TFEB: variants seen among roughly 807,000 people sequenced by gnomAD.
TFEB encodes transcription factor EB.
Under a neutral mutation model 48.0 loss-of-function variants are expected in TFEB, and 12 were observed. The ratio of observed to expected loss-of-function variants is 0.25; its 90% CI spans 0.16 to 0.40. The LOEUF is 0.40. Ranked by LOEUF, TFEB falls within the 10% of genes least tolerant of loss-of-function variation. The pLI, the probability that TFEB is intolerant of heterozygous loss-of-function variation, is 1.00. For synonymous variants in TFEB, 244 were observed against 261.4 expected (o/e 0.93, Z 0.64); for missense variants, 509 against 640.3 (o/e 0.79, Z 2.21).
Position 41,691,079 on chromosome 6 carries a change from G to T in TFEB, c.135C>A (p.Leu45=), listed in dbSNP as rs376168554. The change falls in exon 2 of 9, where the codon CTC becomes CTA. Residue 45 remains leucine (L), a synonymous_variant. Coordinates refer to ENST00000373033, the MANE Select transcript of TFEB (RefSeq NM_001271944.2). This position sits in a 1 kb window ranked among gnomAD's most constrained non-coding sequence, Gnocchi z 5.2. ...QQQQQQQQQQ[L]GGPPTPAINT... is the part of the protein sequence containing the mutation. ...TGATGGCCGGGGTGGGCGGCCCTCC[G>T]AGCTGCTGCTGTTGCTGCTGCTGCT... 6.1e-5 allele frequency: 96 copies of T among 1,573,848 alleles called. No homozygotes were observed. Among genetic ancestry groups the T allele is most frequent in the Non-Finnish European group, 8.2e-5 (95 of 1,158,608 alleles).
Position 41,708,108 on chromosome 6 carries a change from C to A in TFEB, c.-22-16873G>T, listed in dbSNP as rs147519986. 1.0e-3 allele frequency among the ~76,000 whole-genome samples: 154 copies of A among 152,338 alleles called. 1 individual carries two copies. Among genetic ancestry groups the A allele is most frequent in the African/African-American group, 3.3e-3 (138 of 41,582 alleles). On this transcript the variant is annotated intron_variant, in intron 1 of 8. Transcript: ENST00000373033. ...GAGCCAGTGTCTGCCACATGGCAGG[C>A]GCCTCAGCCGCACAGGTCACCTTCC... is the stretch of plus-strand genomic sequence containing the variant.
chr6:41,723,574 C>T lies in TFEB; in HGVS notation c.-23+11776G>A, dbSNP rs553829870. 2.6e-5 allele frequency: 32 copies of T among 1,249,772 alleles called. No homozygotes were observed. The highest frequency in any genetic ancestry group is 3.1e-5 in the Non-Finnish European group (30 of 970,060). 77.4% of individuals were successfully genotyped at this position (1,249,772 alleles called of 1,614,324 possible). Reference sequence around the variant, plus strand: ...GCCGGGCTCAGTTTCCTCATTTCCCCGGCGGCTGCTGTTTCTCACCCAGCC... The same window carrying T: ...GCCGGGCTCAGTTTCCTCATTTCCCTGGCGGCTGCTGTTTCTCACCCAGCC... On this transcript the variant is annotated intron_variant, in intron 1 of 8. Coordinates refer to ENST00000373033, the MANE Select transcript of TFEB (RefSeq NM_001271944.2). The surrounding 1 kb of genome is among the most constrained non-coding windows in gnomAD (Gnocchi z 6.0).
intron 1 of TFEB, among the ~76,000 whole-genome samples, chr6:41,714,558 T>C (rs1180681453): frequency 6.6e-6 from 1 of 152,178 alleles, no homozygotes; most frequent in East Asian, 1.9e-4. Flanking sequence ...TATCATTCCA[T>C]TCATTCATTT....
chr6:41,732,583 C>T, intron 1 of TFEB: 1 of 985,912 alleles, frequency 1.0e-6, no homozygotes, highest in South Asian at 4.7e-5. Context: ...ACTTTAACCA[C>T]ACACACAAAC....
At chr6:41,706,610 T>C (rs1378204731) in intron 1 of TFEB, among the ~76,000 whole-genome samples, 1 of 151,790 alleles carries the variant, frequency 6.6e-6, no homozygotes, top group Non-Finnish European at 1.5e-5. Context: ...GACCCAGAAT[T>C]CAGCTTTGCT....
intron 1 of TFEB, among the ~76,000 whole-genome samples, chr6:41,719,744 AGAG>A (rs1770898475): frequency 6.6e-6 from 1 of 152,228 alleles, no homozygotes; most frequent in Non-Finnish European, 1.5e-5. Flanking sequence ...CAATGGTCAG[AGAG>A]ATTCAGTCAC....
At chr6:41,687,673 A>C in intron 6 of TFEB, 80 bp downstream of exon 6, 11 of 1,571,440 alleles carry the variant, frequency 7.0e-6, no homozygotes, top group Non-Finnish European at 9.6e-6. Flanking sequence ...CCACCAGTGC[A>C]GGTCAGGGAG....
In TFEB at chr6:41,691,380, A is replaced by G. The variant is rs1769309037; in HGVS notation, c.-22-145T>C. On this transcript the variant is annotated intron_variant, in intron 1 of 8. Coordinates refer to ENST00000373033, the MANE Select transcript of TFEB (RefSeq NM_001271944.2). This position sits in a 1 kb window ranked among gnomAD's most constrained non-coding sequence, Gnocchi z 5.2. ...CCCTGAGAGGGGAAGAGATTTGCCC[A>G]AGGTCACTGAGCAAGCGGGTGACAG... 2.3e-6 allele frequency: 2 copies of G among 865,158 alleles called. No individual in the cohort carries two copies. The highest frequency in any genetic ancestry group is 2.6e-5 in the East Asian group (1 of 37,870). 53.6% of individuals were successfully genotyped at this position (865,158 alleles called of 1,614,324 possible). A position where few individuals can be genotyped will look rare whatever the true frequency, so the allele number is the denominator to read the frequency against.
chr6:41,723,653 C>T lies in TFEB; in HGVS notation c.-23+11697G>A, dbSNP rs1000594867. 1.9e-5 allele frequency: 15 copies of T among 778,180 alleles called. No homozygotes were observed. The highest frequency in any genetic ancestry group is 1.5e-4 in the African/African-American group (8 of 54,760). 48.2% of individuals were successfully genotyped at this position (778,180 alleles called of 1,614,324 possible). Reference sequence around the variant, plus strand: ...CACAATCCCCTGGGAGCTGCAAATGCGGCCGAGGATTACTCACAGCACAGA... The same window carrying T: ...CACAATCCCCTGGGAGCTGCAAATGTGGCCGAGGATTACTCACAGCACAGA... On this transcript the variant is annotated intron_variant, in intron 1 of 8. Transcript: ENST00000373033. This position sits in a 1 kb window ranked among gnomAD's most constrained non-coding sequence, Gnocchi z 6.0.
chr6:41,736,189 G>A, upstream of TFEB: 2 of 1,612,886 alleles, frequency 1.2e-6, no homozygotes, highest in Non-Finnish European at 1.7e-6. Context: ...AATTGTCTGA[G>A]CTCCTTTCAT....
chr6:41,695,635 C>T (rs1581889218), intron 1 of TFEB, among the ~76,000 whole-genome samples: 1 of 152,240 alleles, frequency 6.6e-6, no homozygotes, highest in East Asian at 1.9e-4. Context: ...TCTTTAACTA[C>T]TATTCTGGGC....
rs1430556099 is a variant in TFEB at position 41,735,395 on chromosome 6, C to T, written c.-68G>A. ...GTCCGCCGCCCGCGCCCCGCGGCTC[C>T]GGCAACTTGTCGCAAGTTCGGGTGC... On this transcript the variant is annotated 5_prime_UTR_variant, in exon 1 of 9. Coordinates refer to ENST00000373033, the MANE Select transcript of TFEB (RefSeq NM_001271944.2). 8 of 985,816 alleles carry T rather than the reference C, an allele frequency of 8.1e-6. No homozygotes were observed. The Admixed American group carries it at 2.5e-4, about 30-fold the overall frequency. 61.1% of individuals were successfully genotyped at this position (985,816 alleles called of 1,614,324 possible). A position where few individuals can be genotyped will look rare whatever the true frequency, so the allele number is the denominator to read the frequency against.
rs762463547 is a variant in TFEB at position 41,684,916 on chromosome 6, G to A, written c.1114C>T (p.Leu372=). ...LGAEVPDPEP[L]PALPPQAPLP... ...GGGGCTTGCGGGGGCAGAGCTGGCA[G>A]TGGCTCAGGGTCAGGGACCTCAGCC... Residue 372 remains leucine (L), a synonymous_variant, in exon 9 of 9, where the codon CTG becomes TTG. Coordinates refer to ENST00000373033, the MANE Select transcript of TFEB (RefSeq NM_001271944.2). The A allele has an allele frequency of 1.3e-5, 20 of 1,576,558 alleles. No homozygotes were observed. The highest frequency in any genetic ancestry group is 1.6e-5 in the Non-Finnish European group (19 of 1,160,688).
chr6:41,697,940 C>A (rs1384351875), intron 1 of TFEB, among the ~76,000 whole-genome samples: 1 of 152,070 alleles, frequency 6.6e-6, no homozygotes, highest in African/African-American at 2.4e-5. Context: ...TTATTACTGA[C>A]TTCTTTGGAT....
intron 1 of TFEB, among the ~76,000 whole-genome samples, chr6:41,700,771 C>T (rs978600739): frequency 2.6e-5 from 4 of 152,240 alleles, no homozygotes. Context: ...TTAATGGCCT[C>T]CTGTTCCCAC....
At chr6:41,685,210 A>C in intron 8 of TFEB, 132 bp from the exon 9 acceptor site, 1 of 1,179,974 alleles carries the variant, frequency 8.5e-7, no homozygotes, top group Non-Finnish European at 1.1e-6. Flanking sequence ...TTCCGCTGGA[A>C]GAAAGCATAG....
At chr6:41,690,366 G>A (rs566191859) in intron 3 of TFEB, among the ~76,000 whole-genome samples, 1 of 152,316 alleles carries the variant, frequency 6.6e-6, no homozygotes, top group South Asian at 2.1e-4. Context: ...CTGACCTCAA[G>A]TGATCTGGCT....
At position 41,691,396 on chromosome 6, in the gene TFEB, C is replaced by G. The variant is rs773949434; in HGVS notation, c.-22-161G>C. The G allele has an allele frequency of 1.3e-6, 1 of 781,634 alleles. No homozygotes were observed. Among genetic ancestry groups the G allele is most frequent in the Non-Finnish European group, 2.2e-6 (1 of 444,788 alleles). The allele number at this position is 781,634 out of a possible 1,614,324, so 48.4% of individuals were successfully genotyped here. A position where few individuals can be genotyped will look rare whatever the true frequency, so the allele number is the denominator to read the frequency against. ...GATTTGCCCAAGGTCACTGAGCAAGCGGGTGACAGCTGAGACATGAATCCA... is the reference window on the plus strand; with the variant it reads ...GATTTGCCCAAGGTCACTGAGCAAGGGGGTGACAGCTGAGACATGAATCCA... On this transcript the variant is annotated intron_variant, in intron 1 of 8. Coordinates refer to ENST00000373033, the MANE Select transcript of TFEB (RefSeq NM_001271944.2). The surrounding 1 kb of genome is among the most constrained non-coding windows in gnomAD (Gnocchi z 5.2).
Position 41,690,792 on chromosome 6 carries a change from G to A in TFEB, c.339C>T (p.Gly113=). The A allele has an allele frequency of 1.9e-6, 3 of 1,612,848 alleles. No homozygotes were observed. The highest frequency in any genetic ancestry group is 1.3e-5 in the African/African-American group (1 of 75,046). The part of the protein sequence containing the change: ...KFAAHISPAQ[G]SPKPPPAASP... Reference sequence around the variant, plus strand: ...AGGCGGCTGGTGGGGGTTTCGGAGAGCCCTGGGCTGGGCTGATGTGGGCAG... The same window carrying A: ...AGGCGGCTGGTGGGGGTTTCGGAGAACCCTGGGCTGGGCTGATGTGGGCAG... Residue 113 remains glycine, a synonymous_variant, in exon 3 of 9, where the codon GGC becomes GGT. Transcript: ENST00000373033.
Sources: allele counts gnomAD v4.1 joint callset (sites outside exome capture counted in the v4.1 genomes callset), GRCh38; gene constraint gnomAD v4.1.1; non-coding constraint Gnocchi (gnomAD v3.1); transcripts MANE v1.5; gene names NCBI Gene and HGNC (gene_info 2026-07-23, HGNC 2026-07-21).